Variants in COL15A1 observed in about 807,000 individuals in gnomAD.
COL15A1 encodes the protein collagen alpha-1(XV) chain.
COL15A1 carries 111 observed loss-of-function variants against 165.9 expected under a neutral mutation model. That is an observed-to-expected ratio of 0.67 (90% CI 0.57 to 0.78). COL15A1 has a LOEUF of 0.78. Ranked by LOEUF, COL15A1 falls within the 30% of genes least tolerant of loss-of-function variation. The pLI is 0.00. For synonymous variants in COL15A1, 659 were observed against 674.8 expected (o/e 0.98, Z 0.36); for missense variants, 1,745 against 1,789.7 (o/e 0.98, Z 0.45).
Position 99,066,599 on chromosome 9 carries a change from G to GTTTTTTTTTTTTTTTTTTTTTTTTT in COL15A1, c.3652-282_3652-258dup, listed in dbSNP as rs67961829. Among the ~76,000 whole-genome samples, 86 of 71,030 alleles carry GTTTTTTTTTTTTTTTTTTTTTTTTT rather than the reference G, an allele frequency of 1.2e-3. 6 individuals are homozygous for GTTTTTTTTTTTTTTTTTTTTTTTTT. Among genetic ancestry groups the GTTTTTTTTTTTTTTTTTTTTTTTTT allele is most frequent in the Non-Finnish European group, 1.9e-3 (67 of 35,714 alleles). 46.6% of individuals were successfully genotyped at this position (71,030 alleles called of 152,430 possible). On this transcript the variant is annotated intron_variant, in intron 39 of 41. Transcript: ENST00000375001. The stretch of plus-strand genomic sequence containing the variant: ...TTTGGTCCAAGCAATATTTTGTTCT[G>GTTTTTTTTTTTTTTTTTTTTTTTTT]TTTTTTTTTTTTTTTTTTTTTTTTT...
Position 99,068,688 on chromosome 9 carries a change from T to C in COL15A1, c.3953+18T>C. 1 of 1,393,994 alleles carries C rather than the reference T, an allele frequency of 7.2e-7. No homozygotes were observed. Among genetic ancestry groups the C allele is most frequent in the African/African-American group, 1.5e-5 (1 of 67,620 alleles). 86.4% of individuals were successfully genotyped at this position (1,393,994 alleles called of 1,614,324 possible). A position where few individuals can be genotyped will look rare whatever the true frequency, so the allele number is the denominator to read the frequency against. On this transcript the variant is annotated intron_variant, in intron 41 of 41. Coordinates refer to ENST00000375001, the MANE Select transcript of COL15A1 (RefSeq NM_001855.5). ...CCTTCTTGGTAAGTGAGGGTGGAAG[T>C]TCTCAGATATGGTGTGATAGATAGT... is the stretch of plus-strand genomic sequence containing the variant.
At chr9:98,956,795 A>T (rs1318948200) in intron 2 of COL15A1, among the ~76,000 whole-genome samples, 1 of 152,264 alleles carries the variant, frequency 6.6e-6, no homozygotes, top group East Asian at 1.9e-4. Flanking sequence ...GCAGAAATGC[A>T]GAATCTCTGG....
chr9:99,042,886 T>C (rs116100569), intron 24 of COL15A1, among the ~76,000 whole-genome samples: 1,568 of 152,262 alleles, frequency 0.01, 22 homozygotes, highest in African/African-American at 0.036. Context: ...AACAGATTAA[T>C]ATATTCACTC....
chr9:99,008,211 AC>A (rs148380012), intron 9 of COL15A1, among the ~76,000 whole-genome samples: 3,710 of 152,196 alleles, frequency 0.024, 147 homozygotes, highest in African/African-American at 0.085. Context: ...GCCTGCAAAT[AC>A]CTGTATTAAT....
chr9:99,020,554 A>C (rs2274962), intron 12 of COL15A1, 112 bp downstream of exon 12: 97,814 of 745,858 alleles, frequency 0.13, 9,179 homozygotes, highest in East Asian at 0.35. Flanking sequence ...AGAAGCAGCA[A>C]GAGGGCTAAG....
At position 99,062,012 on chromosome 9, in the gene COL15A1, G is replaced by T. The variant is rs146027381; in HGVS notation, c.3444G>T (p.Ala1148=). ...FSNMDDMLQK[A]HLVIEGTFIY... ...ACATGGATGACATGCTGCAGAAAGC[G>T]CATTTGGTTATAGAAGGAACATTCA... The change falls in exon 37 of 42, where the codon GCG becomes GCT. Residue 1148 remains alanine, a synonymous_variant. Transcript: ENST00000375001. 1.1e-5 allele frequency: 17 copies of T among 1,613,976 alleles called. No individual in the cohort carries two copies. The South Asian group carries it at 1.8e-4, about 17-fold the overall frequency.
At chr9:99,028,694 G>C (rs900120000) in intron 16 of COL15A1, among the ~76,000 whole-genome samples, 1 of 152,046 alleles carries the variant, frequency 6.6e-6, no homozygotes, top group African/African-American at 2.4e-5. Flanking sequence ...TTGGGGGAAA[G>C]GGTGGGAGGG....
chr9:98,949,285 TC>T (rs1034511340), intron 2 of COL15A1, among the ~76,000 whole-genome samples: 11 of 152,372 alleles, frequency 7.2e-5, no homozygotes, highest in African/African-American at 2.6e-4. Flanking sequence ...ACTTATCCAT[TC>T]TTCTCCAACA....
intron 2 of COL15A1, among the ~76,000 whole-genome samples, chr9:98,966,820 G>T (rs1222235986): frequency 6.6e-6 from 1 of 152,182 alleles, no homozygotes; most frequent in Non-Finnish European, 1.5e-5. Flanking sequence ...GTGGGGATCA[G>T]GTGAGAGCTA....
intron 20 of COL15A1, 34 bp downstream of exon 20, chr9:99,036,239 G>A: frequency 6.2e-7 from 1 of 1,613,468 alleles, no homozygotes; most frequent in Admixed American, 1.7e-5. Context: ...GGGTGGGAGG[G>A]CTTTCCAGCC....
intron 2 of COL15A1, among the ~76,000 whole-genome samples, chr9:98,950,449 T>TCCTTCCCTCCTTCCTTCTCTCCCTC (rs1837661380): frequency 6.8e-6 from 1 of 146,394 alleles, no homozygotes; most frequent in Admixed American, 6.9e-5. Context: ...TCTTTCTCCT[T>TCCTTCCCTCCTTCCTTCTCTCCCTC]CCTTCCCTCC....
At position 99,040,572 on chromosome 9, in the gene COL15A1, G is replaced by T. The variant is rs368573009; in HGVS notation, c.2511+16G>T. ...AGGATTTCCAGTAAGTACCACCCTC[G>T]CTGTCTTCTATCTGTGCCCCGTGGC... On this transcript the variant is annotated intron_variant, in intron 23 of 41. Coordinates refer to ENST00000375001, the MANE Select transcript of COL15A1 (RefSeq NM_001855.5). The T allele has an allele frequency of 6.2e-7, 1 of 1,614,176 alleles. No homozygotes were observed. Among genetic ancestry groups the T allele is most frequent in the East Asian group, 2.2e-5 (1 of 44,894 alleles).
intron 5 of COL15A1, among the ~76,000 whole-genome samples, chr9:98,989,540 A>G (rs1838380615): frequency 6.6e-6 from 1 of 152,148 alleles, no homozygotes; most frequent in African/African-American, 2.4e-5. Flanking sequence ...CCTTGGGTAA[A>G]AAGCCTGTGG....
In COL15A1 at chr9:99,035,006, T is replaced by C. The variant is rs1588525870; in HGVS notation, c.2080-8T>C. On this transcript the variant is annotated splice_region_variant and splice_polypyrimidine_tract_variant and intron_variant, in intron 17 of 41. Transcript: ENST00000375001. Reference sequence around the variant, plus strand: ...GGCTAGATAATCAGCCTGCCCTCTTTCCTACAGGGTGACCCTGGCAACAGA... The same window carrying C: ...GGCTAGATAATCAGCCTGCCCTCTTCCCTACAGGGTGACCCTGGCAACAGA... The C allele has an allele frequency of 6.2e-7, 1 of 1,612,192 alleles. No individual in the cohort carries two copies. Among genetic ancestry groups the C allele is most frequent in the South Asian group, 1.1e-5 (1 of 91,054 alleles).
At chr9:98,959,119 G>A (rs1361853244) in intron 2 of COL15A1, among the ~76,000 whole-genome samples, 4 of 150,468 alleles carry the variant, frequency 2.7e-5, no homozygotes, top group African/African-American at 4.9e-5. Flanking sequence ...GGCCAGGCAT[G>A]GTGGCTCACA....
Position 99,049,075 on chromosome 9 carries a change from A to G in COL15A1, c.2794-615A>G, listed in dbSNP as rs138177275. On this transcript the variant is annotated intron_variant, in intron 28 of 41. Coordinates refer to ENST00000375001, the MANE Select transcript of COL15A1 (RefSeq NM_001855.5). ...CTGACGCCTTCATTTAGAGTGATCAATACACTTTCTGCATGAACTAAACTC... is the reference window on the plus strand; with the variant it reads ...CTGACGCCTTCATTTAGAGTGATCAGTACACTTTCTGCATGAACTAAACTC... 5.2e-3 allele frequency among the ~76,000 whole-genome samples: 788 copies of G among 152,234 alleles called. 7 individuals are homozygous for G. Among genetic ancestry groups the G allele is most frequent in the African/African-American group, 0.018 (746 of 41,532 alleles).
At chr9:99,050,562 G>T (rs1194589057) in intron 30 of COL15A1, among the ~76,000 whole-genome samples, 1 of 152,212 alleles carries the variant, frequency 6.6e-6, no homozygotes, top group East Asian at 1.9e-4. Flanking sequence ...AAGAGAGTCA[G>T]ATTTCTGTGA....
chr9:99,036,239 G>C, intron 20 of COL15A1, 34 bp downstream of exon 20: 1 of 1,613,468 alleles, frequency 6.2e-7, no homozygotes, highest in Non-Finnish European at 8.5e-7. Context: ...GGGTGGGAGG[G>C]CTTTCCAGCC....
In COL15A1 at chr9:99,070,718, C is replaced by A; in HGVS notation, c.*832C>A. 2.5e-6 allele frequency: 1 copy of A among 396,820 alleles called. No individual in the cohort carries two copies. The highest frequency in any genetic ancestry group is 8.7e-5 in the East Asian group (1 of 11,430). 24.6% of individuals were successfully genotyped at this position (396,820 alleles called of 1,614,324 possible). ...GAATTTTCTGAGAAACATATATCTA[C>A]ATGTTGTATAATTGGATTTTTTTTC... On this transcript the variant is annotated 3_prime_UTR_variant, in exon 42 of 42. Transcript: ENST00000375001.
Sources: gnomAD v4.1 joint callset for allele counts (sites outside exome capture counted in the v4.1 genomes callset) on GRCh38, gnomAD v4.1.1 for gene constraint, MANE v1.5 for transcripts, NCBI Gene and HGNC (gene_info 2026-07-23, HGNC 2026-07-21) for gene names.